Variants in INIP observed in about 807,000 individuals in gnomAD.
INIP encodes the protein INTS3 and NABP interacting protein.
A neutral mutation model predicts 14.0 loss-of-function variants in INIP; 9 were observed. That is an observed-to-expected ratio of 0.64 (90% CI 0.39 to 1.12). The LOEUF is 1.12. INIP is among the 50% of genes most tolerant of loss of function. INIP has a pLI of 0.01. For synonymous variants in INIP, 37 were observed against 41.5 expected (o/e 0.89, Z 0.41); for missense variants, 78 against 122.7 (o/e 0.64, Z 1.72).
chr9:112,708,226 C>T (rs1421342342), intron 2 of INIP, among the ~76,000 whole-genome samples: 1 of 152,150 alleles, frequency 6.6e-6, no homozygotes, highest in East Asian at 1.9e-4. Context: ...GCGGGGGGAG[C>T]AGTGTCAGAG....
chr9:112,699,902 CT>C (rs1360313659), intron 2 of INIP, among the ~76,000 whole-genome samples: 1 of 152,102 alleles, frequency 6.6e-6, no homozygotes, highest in Non-Finnish European at 1.5e-5. Context: ...CCCTTAGTAT[CT>C]CAGCAATGTT....
At chr9:112,703,767 A>G (rs530371642) in intron 2 of INIP, among the ~76,000 whole-genome samples, 18 of 152,302 alleles carry the variant, frequency 1.2e-4, no homozygotes, top group African/African-American at 3.4e-4. Context: ...AAAACGTCCA[A>G]GGGTAAGTGC....
chr9:112,704,364 C>G (rs912697096), intron 2 of INIP, among the ~76,000 whole-genome samples: 1 of 152,152 alleles, frequency 6.6e-6, no homozygotes, highest in African/African-American at 2.4e-5. Context: ...ATCTATAATT[C>G]CTAGCACCAC....
At position 112,687,286 on chromosome 9, in the gene INIP, G is replaced by GA. The variant is rs1432605351; in HGVS notation, c.*251dup. The GA allele has an allele frequency of 1.2e-5, 4 of 329,496 alleles. No individual in the cohort carries two copies. Among genetic ancestry groups the GA allele is most frequent in the Non-Finnish European group, 2.3e-5 (4 of 176,724 alleles). 20.4% of individuals were successfully genotyped at this position (329,496 alleles called of 1,614,324 possible). A position where few individuals can be genotyped will look rare whatever the true frequency, so the allele number is the denominator to read the frequency against. Reference sequence around the variant, plus strand: ...TGACCATCCAGTTCACAGTCTGATTGAGAGTTAAACAGCATTACAAAAAAG... The same window carrying GA: ...TGACCATCCAGTTCACAGTCTGATTGAAGAGTTAAACAGCATTACAAAAAAG... On this transcript the variant is annotated 3_prime_UTR_variant, in exon 5 of 5. Transcript: ENST00000374242.
chr9:112,701,142 T>C (rs1275657488), intron 2 of INIP, among the ~76,000 whole-genome samples: 1 of 152,008 alleles, frequency 6.6e-6, no homozygotes, highest in Non-Finnish European at 1.5e-5. Flanking sequence ...ACCCCGTCTC[T>C]ACTAAAACAC....
At chr9:112,704,526 A>G (rs1250999263) in intron 2 of INIP, among the ~76,000 whole-genome samples, 2 of 152,218 alleles carry the variant, frequency 1.3e-5, no homozygotes, top group Admixed American at 6.5e-5. Flanking sequence ...TTAAAAAAAA[A>G]TCCTCCTGAG....
Position 112,686,162 on chromosome 9 carries a change from C to T in INIP, c.*1376G>A, listed in dbSNP as rs1837657469. The T allele has an allele frequency of 6.6e-6, 1 of 152,038 alleles. No individual in the cohort carries two copies. Among genetic ancestry groups the T allele is most frequent in the African/African-American group, 2.4e-5 (1 of 41,390 alleles). 9.4% of individuals were successfully genotyped at this position (152,038 alleles called of 1,614,324 possible). On this transcript the variant is annotated 3_prime_UTR_variant, in exon 5 of 5. Transcript: ENST00000374242. ...CAAAAAGTTATATAAAATACTGTAT[C>T]TGTGATACAGTGTAAAATATCATTT...
At chr9:112,716,891 G>A (rs1158517651) in intron 1 of INIP, among the ~76,000 whole-genome samples, 1 of 151,186 alleles carries the variant, frequency 6.6e-6, no homozygotes, top group Non-Finnish European at 1.5e-5. Flanking sequence ...GGTGGCGGAG[G>A]TTGCAGTGAG....
At chr9:112,707,666 A>C (rs539655336) in intron 2 of INIP, among the ~76,000 whole-genome samples, 4 of 152,342 alleles carry the variant, frequency 2.6e-5, no homozygotes, top group African/African-American at 7.2e-5. Context: ...TTATTGTAAA[A>C]AAAATCTAAA....
At chr9:112,712,757 C>A (rs753198319) in intron 2 of INIP, among the ~76,000 whole-genome samples, 1 of 152,066 alleles carries the variant, frequency 6.6e-6, no homozygotes, top group Non-Finnish European at 1.5e-5. Context: ...TAGAAATTAT[C>A]CAATCAGAAA....
rs1837801179 is a variant in INIP at position 112,689,515 on chromosome 9, T to C, written c.219+12A>G. On this transcript the variant is annotated intron_variant, in intron 4 of 4. Coordinates refer to ENST00000374242, the MANE Select transcript of INIP (RefSeq NM_021218.3). ...CCTCCACCGAGGCAAGAATGTCAGT[T>C]ACACTGCTCACCTGCAAAGCTGCCT... 1.2e-6 allele frequency: 2 copies of C among 1,612,022 alleles called. No individual in the cohort carries two copies. Among genetic ancestry groups the C allele is most frequent in the Non-Finnish European group, 1.7e-6 (2 of 1,178,094 alleles).
chr9:112,706,398 A>G (rs1253430943), intron 2 of INIP, among the ~76,000 whole-genome samples: 1 of 151,910 alleles, frequency 6.6e-6, no homozygotes, highest in Admixed American at 6.6e-5. Context: ...ATAGGTGTGC[A>G]CTAGCACACC....
intron 2 of INIP, among the ~76,000 whole-genome samples, chr9:112,713,816 C>T (rs1838720351): frequency 6.6e-6 from 1 of 151,982 alleles, no homozygotes; most frequent in Non-Finnish European, 1.5e-5. Flanking sequence ...CATGGTGAAA[C>T]CCCGTTTCTA....
chr9:112,712,907 C>T (rs1838690695), intron 2 of INIP, among the ~76,000 whole-genome samples: 1 of 152,192 alleles, frequency 6.6e-6, no homozygotes, highest in African/African-American at 2.4e-5. Flanking sequence ...AAAACCACCT[C>T]TAGGCATACC....
chr9:112,700,539 T>C (rs1033937578), intron 2 of INIP, among the ~76,000 whole-genome samples: 3 of 104,442 alleles, frequency 2.9e-5, no homozygotes, highest in African/African-American at 5.2e-5. Context: ...ATATATATAT[T>C]ATATATACCT....
intron 2 of INIP, among the ~76,000 whole-genome samples, chr9:112,705,083 C>T (rs1838414732): frequency 2.1e-5 from 3 of 142,518 alleles, no homozygotes; most frequent in African/African-American, 8.0e-5. Flanking sequence ...TGCATTCCAC[C>T]CTGGGTAACA....
At chr9:112,700,033 A>G (rs993648725) in intron 2 of INIP, among the ~76,000 whole-genome samples, 2 of 152,212 alleles carry the variant, frequency 1.3e-5, no homozygotes, top group Admixed American at 6.5e-5. Flanking sequence ...AATAATACAC[A>G]TAACATGAAA....
intron 2 of INIP, among the ~76,000 whole-genome samples, chr9:112,714,274 A>G (rs1195601522): frequency 6.6e-6 from 1 of 152,218 alleles, no homozygotes; most frequent in African/African-American, 2.4e-5. Context: ...AGATTAAAAA[A>G]ATCAGAACAG....
intron 2 of INIP, among the ~76,000 whole-genome samples, chr9:112,698,857 C>T: frequency 6.6e-6 from 1 of 152,108 alleles, no homozygotes; most frequent in Admixed American, 6.5e-5. Context: ...ATATAATAGC[C>T]TTCTTTCCCT....
Sources: allele counts gnomAD v4.1 joint callset (sites outside exome capture counted in the v4.1 genomes callset), GRCh38; gene constraint gnomAD v4.1.1; transcripts MANE v1.5; gene names NCBI Gene and HGNC (gene_info 2026-07-23, HGNC 2026-07-21).